Variants in ZNF804A observed in about 807,000 individuals in gnomAD.
ZNF804A encodes zinc finger protein 804A.
In ZNF804A, 2 loss-of-function variants were observed where a neutral mutation model predicts 16.5. That is an observed-to-expected ratio of 0.12 (90% CI 0.05 to 0.38). The LOEUF (loss-of-function observed/expected upper bound fraction) is 0.38, where lower values mean the gene tolerates loss of function less well. ZNF804A is among the 10% of genes least tolerant of loss of function. The probability of loss-of-function intolerance (pLI) is 0.99; values close to 1 mark genes in which losing one functional copy is unlikely to be tolerated. For synonymous variants in ZNF804A, 534 were observed against 489.6 expected (o/e 1.09, Z -1.20); for missense variants, 1,473 against 1,390.7 (o/e 1.06, Z -0.94).
chr2:184,818,879 G>A (rs926114878), intron 1 of ZNF804A, among the ~76,000 whole-genome samples: 7 of 152,042 alleles, frequency 4.6e-5, no homozygotes, highest in African/African-American at 1.4e-4. Flanking sequence ...AAATATATAT[G>A]CATCCAATAC....
intron 1 of ZNF804A, among the ~76,000 whole-genome samples, chr2:184,662,672 G>T (rs938543801): frequency 6.6e-6 from 1 of 152,098 alleles, no homozygotes; most frequent in Non-Finnish European, 1.5e-5. Context: ...TAATGGTTAT[G>T]TGAAAATGCA....
chr2:184,936,836 A>G lies in ZNF804A; in HGVS notation c.1440A>G (p.Leu480=), dbSNP rs773225454. The change falls in exon 4 of 4, where the codon TTA becomes TTG. Residue 480 remains leucine, a synonymous_variant. Coordinates refer to ENST00000302277, the MANE Select transcript of ZNF804A (RefSeq NM_194250.2). ...ATCTAGATAAAAATAAGCCAGACTT[A>G]AAAGATCTTTGTTCTCAGCAGAAGC... The part of the protein sequence containing the change: ...NNNLDKNKPD[L]KDLCSQQKQE... 1 of 1,612,772 alleles carries G rather than the reference A, an allele frequency of 6.2e-7. No individual in the cohort carries two copies. Among genetic ancestry groups the G allele is most frequent in the Admixed American group, 1.7e-5 (1 of 59,668 alleles).
chr2:184,607,953 T>TTC (rs1691176820), intron 1 of ZNF804A, among the ~76,000 whole-genome samples: 1 of 130,706 alleles, frequency 7.7e-6, no homozygotes, highest in Admixed American at 7.8e-5. Flanking sequence ...TTTTTTTTTT[T>TTC]TTTTTTTTTT....
At chr2:184,929,487 A>G (rs537770148) in intron 2 of ZNF804A, among the ~76,000 whole-genome samples, 3 of 151,566 alleles carry the variant, frequency 2.0e-5, no homozygotes, top group African/African-American at 2.4e-5. Context: ...GTTTATATAT[A>G]TGTGTGTGTG....
chr2:184,931,842 A>G (rs1010345805), intron 2 of ZNF804A, among the ~76,000 whole-genome samples: 1 of 152,106 alleles, frequency 6.6e-6, no homozygotes, highest in Non-Finnish European at 1.5e-5. Context: ...TCTAATTCCA[A>G]AAAATAACTT....
rs186365122 is a variant in ZNF804A, at chr2:184,862,355, C to T, written c.112-4014C>T. Among the ~76,000 whole-genome samples the T allele has an allele frequency of 1.4e-4, 22 of 152,288 alleles. No individual in the cohort carries two copies. In the East Asian group the frequency reaches 4.2e-3, roughly 29 times the overall value. On this transcript the variant is annotated intron_variant, in intron 1 of 3. Transcript: ENST00000302277. Reference sequence around the variant, plus strand: ...TGATCAGTAACAATACATATGACTCCTTTCCCTTAAGATGCACATACAATA... The same window carrying T: ...TGATCAGTAACAATACATATGACTCTTTTCCCTTAAGATGCACATACAATA...
At position 184,760,272 on chromosome 2, in the gene ZNF804A, G is replaced by A. The variant is rs930303190; in HGVS notation, c.112-106097G>A. On this transcript the variant is annotated intron_variant, in intron 1 of 3. Coordinates refer to ENST00000302277, the MANE Select transcript of ZNF804A (RefSeq NM_194250.2). Reference sequence around the variant, plus strand: ...AATAAACATGACTGTTTATTTGAACGAATTTTAAATAAACTGATAACTTTA... The same window carrying A: ...AATAAACATGACTGTTTATTTGAACAAATTTTAAATAAACTGATAACTTTA... Among the ~76,000 whole-genome samples the A allele has an allele frequency of 3.3e-5, 5 of 151,988 alleles. No individual in the cohort carries two copies. The East Asian group carries it at 5.8e-4, about 18-fold the overall frequency.
chr2:184,873,075 A>G (rs1695999048), intron 2 of ZNF804A, among the ~76,000 whole-genome samples: 1 of 152,214 alleles, frequency 6.6e-6, no homozygotes. Context: ...TCATAGAGTA[A>G]ACAAACAAAA....
intron 1 of ZNF804A, among the ~76,000 whole-genome samples, chr2:184,811,337 G>C (rs1259925199): frequency 1.3e-5 from 2 of 152,172 alleles, no homozygotes; most frequent in Non-Finnish European, 2.9e-5. Context: ...TTGTTTCATA[G>C]ATAAAACCAC....
At chr2:184,663,449 G>A (rs1420661005) in intron 1 of ZNF804A, among the ~76,000 whole-genome samples, 1 of 152,138 alleles carries the variant, frequency 6.6e-6, no homozygotes, top group Non-Finnish European at 1.5e-5. Flanking sequence ...GGGTGGTAGG[G>A]ATGGGGGAGG....
chr2:184,862,761 G>C (rs947357489), intron 1 of ZNF804A, among the ~76,000 whole-genome samples: 1 of 152,024 alleles, frequency 6.6e-6, no homozygotes, highest in South Asian at 2.1e-4. Flanking sequence ...GAATAAAAGA[G>C]ACTAAGAAGC....
At chr2:184,918,939 T>C (rs1366839) in intron 2 of ZNF804A, among the ~76,000 whole-genome samples, 84,820 of 151,968 alleles carry the variant, frequency 0.56, 24,737 homozygotes, top group East Asian at 0.84. Flanking sequence ...ATTCTTTGGT[T>C]TTTTGAAGAA....
intron 2 of ZNF804A, among the ~76,000 whole-genome samples, chr2:184,870,214 A>G (rs1411354115): frequency 2.6e-5 from 4 of 152,032 alleles, no homozygotes; most frequent in African/African-American, 7.2e-5. Flanking sequence ...AGAGTAAAGC[A>G]AAGTGCAATG....
intron 1 of ZNF804A, among the ~76,000 whole-genome samples, chr2:184,705,798 G>C (rs1431382086): frequency 1.3e-5 from 2 of 152,110 alleles, no homozygotes; most frequent in Non-Finnish European, 2.9e-5. Flanking sequence ...TGCTGGGGTG[G>C]TAGAAAATGT....
At chr2:184,645,018 T>C (rs1324262572) in intron 1 of ZNF804A, among the ~76,000 whole-genome samples, 1 of 152,042 alleles carries the variant, frequency 6.6e-6, no homozygotes, top group Non-Finnish European at 1.5e-5. Flanking sequence ...CTGCTTGTAG[T>C]GTAATTGTGA....
chr2:184,743,051 G>C lies in ZNF804A; in HGVS notation c.112-123318G>C, dbSNP rs559980029. ...ATATATATCTTTGCCATGTTGTTTG[G>C]AATTATAATCTATAGTTGGCAAAAT... On this transcript the variant is annotated intron_variant, in intron 1 of 3. Coordinates refer to ENST00000302277, the MANE Select transcript of ZNF804A (RefSeq NM_194250.2). 2.0e-5 allele frequency among the ~76,000 whole-genome samples: 3 copies of C among 151,946 alleles called. No individual in the cohort carries two copies. In the East Asian group the frequency reaches 5.8e-4, roughly 29 times the overall value.
At chr2:184,707,837 G>T (rs919440941) in intron 1 of ZNF804A, among the ~76,000 whole-genome samples, 1 of 152,044 alleles carries the variant, frequency 6.6e-6, no homozygotes, top group African/African-American at 2.4e-5. Flanking sequence ...TGGAATGGTA[G>T]TTCGAAGTTC....
chr2:184,717,291 C>A (rs1322453620), intron 1 of ZNF804A, among the ~76,000 whole-genome samples: 2 of 152,006 alleles, frequency 1.3e-5, no homozygotes, highest in African/African-American at 4.8e-5. Context: ...ATTATTTTCC[C>A]AAATTTCTTT....
At chr2:184,923,110 A>T (rs1685556116) in intron 2 of ZNF804A, among the ~76,000 whole-genome samples, 1 of 151,970 alleles carries the variant, frequency 6.6e-6, no homozygotes, top group South Asian at 2.1e-4. Context: ...TTTTAATATG[A>T]ATTGCATTAA....
Sources: gnomAD v4.1 joint callset for allele counts (sites outside exome capture counted in the v4.1 genomes callset) on GRCh38, gnomAD v4.1.1 for gene constraint, MANE v1.5 for transcripts, NCBI Gene and HGNC (gene_info 2026-07-23, HGNC 2026-07-21) for gene names.